CDIN1: variants seen among roughly 807,000 people sequenced by gnomAD.
CDIN1 encodes the protein CDAN1-interacting nuclease 1.
A neutral mutation model predicts 45.3 loss-of-function variants in CDIN1; 33 were observed. That is an observed-to-expected ratio of 0.73 (90% confidence interval 0.55 to 0.97). The LOEUF (loss-of-function observed/expected upper bound fraction) is 0.97. Ranked by LOEUF, CDIN1 falls within the 50% of genes least tolerant of loss-of-function variation. The pLI is 0.00. For missense variants in CDIN1, 303 were observed against 339.4 expected (o/e 0.89, Z 0.84); for synonymous variants, 118 against 124.4 (o/e 0.95, Z 0.34).
chr15:36,732,049 C>T (rs2043850231), intron 10 of CDIN1, among the ~76,000 whole-genome samples: 1 of 152,100 alleles, frequency 6.6e-6, no homozygotes, highest in East Asian at 1.9e-4. Context: ...GTTTTAGACT[C>T]CTTAATGTGA....
At chr15:36,655,543 T>C (rs1233195892) in intron 4 of CDIN1, among the ~76,000 whole-genome samples, 1 of 152,140 alleles carries the variant, frequency 6.6e-6, no homozygotes, top group East Asian at 1.9e-4. Context: ...GCCAGGATGG[T>C]CTTGATCTCC....
intron 1 of CDIN1, chr15:36,591,662 A>G (rs2037581770): frequency 6.6e-6 from 1 of 152,236 alleles, no homozygotes; most frequent in African/African-American, 2.4e-5. Context: ...ATCATAAAAC[A>G]TTGCTTGGGA....
chr15:36,616,535 G>C (rs961105968), intron 1 of CDIN1, among the ~76,000 whole-genome samples: 1 of 152,020 alleles, frequency 6.6e-6, no homozygotes, highest in South Asian at 2.1e-4. Flanking sequence ...ACCCGCCTTG[G>C]CTTCCCAAAG....
intron 10 of CDIN1, among the ~76,000 whole-genome samples, chr15:36,729,112 G>A (rs1241534723): frequency 1.3e-5 from 2 of 151,994 alleles, no homozygotes; most frequent in African/African-American, 2.4e-5. Context: ...TTCATCTTAC[G>A]GTTGTGCTAT....
chr15:36,617,728 A>T (rs1429718931), intron 1 of CDIN1: 1 of 793,170 alleles, frequency 1.3e-6, no homozygotes, highest in Non-Finnish European at 2.3e-6. Flanking sequence ...CCAATAGAGG[A>T]AGTGAAAGCT....
At position 36,720,475 on chromosome 15, in the gene CDIN1, T is replaced by C. The variant is rs560323618; in HGVS notation, c.716+10514T>C. ...CCAGAGTGTGATATTCCCCACCCTG[T>C]GTCCAAGTGATCCCATTGTTCAGTT... On this transcript the variant is annotated intron_variant, in intron 10 of 10. Coordinates refer to ENST00000566621, the MANE Select transcript of CDIN1 (RefSeq NM_001321759.2). 4.5e-5 allele frequency among the ~76,000 whole-genome samples: 6 copies of C among 133,250 alleles called. No homozygotes were observed. The East Asian group carries it at 1.5e-3, about 34-fold the overall frequency. The allele number at this position is 133,250 out of a possible 152,430, so 87.4% of individuals were successfully genotyped here.
chr15:36,739,354 G>A (rs1372333922), intron 10 of CDIN1, among the ~76,000 whole-genome samples: 1 of 152,242 alleles, frequency 6.6e-6, no homozygotes, highest in Non-Finnish European at 1.5e-5. Context: ...ACAGTGAACA[G>A]TGATGGTAAC....
At chr15:36,644,817 T>G (rs746847676) in intron 2 of CDIN1, among the ~76,000 whole-genome samples, 3 of 152,168 alleles carry the variant, frequency 2.0e-5, no homozygotes, top group Admixed American at 1.3e-4. Flanking sequence ...TTCTTCCTGG[T>G]TAAAAATGGC....
At chr15:36,580,103 A>C in intron 1 of CDIN1, 142 bp downstream of exon 1, 1 of 695,652 alleles carries the variant, frequency 1.4e-6, no homozygotes, top group African/African-American at 1.8e-5. Context: ...GAGGTTGGCG[A>C]AAAAAGGTTT....
chr15:36,613,626 T>TG lies in CDIN1; in HGVS notation c.102-30651dup, dbSNP rs906604233. 6.9e-6 allele frequency: 10 copies of TG among 1,444,712 alleles called. No individual in the cohort carries two copies. The African/African-American group carries it at 1.3e-4, about 18-fold the overall frequency. 89.5% of individuals were successfully genotyped at this position (1,444,712 alleles called of 1,614,324 possible). Reference sequence around the variant, plus strand: ...CAGGCTGAGGCTGAGGTGGCCTCCTTGAACCGTAGGATCAAGCTGGTTGAA... The same window carrying TG: ...CAGGCTGAGGCTGAGGTGGCCTCCTTGGAACCGTAGGATCAAGCTGGTTGAA... On this transcript the variant is annotated intron_variant, in intron 1 of 10. Transcript: ENST00000566621.
At chr15:36,599,723 A>C (rs552418117) in intron 1 of CDIN1, among the ~76,000 whole-genome samples, 2 of 152,184 alleles carry the variant, frequency 1.3e-5, no homozygotes, top group East Asian at 3.9e-4. Context: ...GATAAGAAGA[A>C]GGCATAAGAA....
chr15:36,666,627 T>C (rs1369356120), intron 5 of CDIN1, among the ~76,000 whole-genome samples: 2 of 152,232 alleles, frequency 1.3e-5, no homozygotes, highest in African/African-American at 4.8e-5. Flanking sequence ...TTTAGCCTAA[T>C]TCATTCTTCC....
chr15:36,602,919 C>T (rs747231901), intron 1 of CDIN1, among the ~76,000 whole-genome samples: 3 of 151,570 alleles, frequency 2.0e-5, no homozygotes, highest in Non-Finnish European at 2.9e-5. Flanking sequence ...ATGCGGGAGG[C>T]AGAGCTTGCA....
At chr15:36,768,652 G>A (rs559649461) in intron 10 of CDIN1, among the ~76,000 whole-genome samples, 7 of 152,292 alleles carry the variant, frequency 4.6e-5, no homozygotes, top group African/African-American at 1.2e-4. Context: ...AAACTGCTGC[G>A]AGAATATTTG....
intron 7 of CDIN1, among the ~76,000 whole-genome samples, chr15:36,693,882 T>C (rs2042332939): frequency 6.6e-6 from 1 of 150,462 alleles, no homozygotes; most frequent in Non-Finnish European, 1.5e-5. Context: ...TTTCCTTACA[T>C]TTTTGCCACC....
intron 5 of CDIN1, among the ~76,000 whole-genome samples, chr15:36,682,767 C>CAAAAAAAAAAAAAAAAAA (rs10706117): frequency 4.9e-5 from 3 of 61,394 alleles, no homozygotes; most frequent in Non-Finnish European, 6.5e-5. Flanking sequence ...AAGACCCTGC[C>CAAAAAAAAAAAAAAAAAA]AAAAAAAAAA....
At chr15:36,710,382 C>G (rs774776843) in intron 10 of CDIN1, among the ~76,000 whole-genome samples, 3 of 152,128 alleles carry the variant, frequency 2.0e-5, no homozygotes, top group Admixed American at 1.3e-4. Flanking sequence ...GGAAATAATA[C>G]ACCTTCCAAG....
chr15:36,669,797 T>G (rs1424574599), intron 5 of CDIN1, among the ~76,000 whole-genome samples: 2 of 152,116 alleles, frequency 1.3e-5, no homozygotes, highest in East Asian at 3.9e-4. Context: ...CTCATAGATT[T>G]GGGGAAGAAT....
At chr15:36,611,849 T>A (rs2038666875) in intron 1 of CDIN1, among the ~76,000 whole-genome samples, 1 of 152,232 alleles carries the variant, frequency 6.6e-6, no homozygotes. Flanking sequence ...GAAATGAAGT[T>A]CATAATTATT....
Sources: gnomAD v4.1 joint callset for allele counts (sites outside exome capture counted in the v4.1 genomes callset) on GRCh38, gnomAD v4.1.1 for gene constraint, MANE v1.5 for transcripts, NCBI Gene and HGNC (gene_info 2026-07-23, HGNC 2026-07-21) for gene names.